Variants in METTL24 observed in about 807,000 individuals in gnomAD.
METTL24 encodes the protein probable methyltransferase-like protein 24.
Under a neutral mutation model 32.7 loss-of-function variants are expected in METTL24, and 29 were observed. The observed-to-expected ratio is 0.89, with a 90% CI of 0.66 to 1.21. METTL24 has a LOEUF of 1.21. Ranked by LOEUF, METTL24 falls within the 50% of genes most tolerant of loss-of-function variation. The probability of loss-of-function intolerance (pLI) is 0.00; values close to 1 mark genes in which losing one functional copy is unlikely to be tolerated. For missense variants in METTL24, 439 were observed against 468.1 expected (o/e 0.94, Z 0.57); for synonymous variants, 163 against 179.5 (o/e 0.91, Z 0.73).
Position 110,358,014 on chromosome 6 carries a change from C to T in METTL24, c.259G>A (p.Gly87Ser), listed in dbSNP as rs1484724894. 5.2e-6 allele frequency: 6 copies of T among 1,150,256 alleles called. No individual in the cohort carries two copies. In the South Asian group the frequency reaches 2.5e-4, roughly 49 times the overall value. 71.3% of individuals were successfully genotyped at this position (1,150,256 alleles called of 1,614,324 possible). A position where few individuals can be genotyped will look rare whatever the true frequency, so the allele number is the denominator to read the frequency against. ...RSGRRAPPGG[G>S]GSGTPEPGCC... Reference sequence around the variant, plus strand: ...CCAGGCTCCGGCGTCCCGCTCCCGCCGCCCCCCGGCGGCGCCCGGCGACCG... The same window carrying T: ...CCAGGCTCCGGCGTCCCGCTCCCGCTGCCCCCCGGCGGCGCCCGGCGACCG... The change falls in exon 1 of 5, where the codon GGC becomes AGC. Residue 87 changes from glycine to serine, a missense_variant. Transcript: ENST00000338882.
intron 4 of METTL24, among the ~76,000 whole-genome samples, chr6:110,296,858 AC>A (rs1771429184): frequency 6.6e-6 from 1 of 152,208 alleles, no homozygotes; most frequent in Admixed American, 6.5e-5. Context: ...GTCTGTACAT[AC>A]AGAAAAATGA....
At chr6:110,346,651 T>A (rs991695717) in intron 1 of METTL24, among the ~76,000 whole-genome samples, 6 of 152,138 alleles carry the variant, frequency 3.9e-5, no homozygotes, top group African/African-American at 1.4e-4. Context: ...ATTACAGGCA[T>A]GTGCCATCAC....
chr6:110,329,304 G>A (rs1329243740), intron 1 of METTL24, among the ~76,000 whole-genome samples: 3 of 152,150 alleles, frequency 2.0e-5, no homozygotes, highest in Admixed American at 6.5e-5. Context: ...GTGAGTCCTC[G>A]ACTCCAACTC....
At chr6:110,315,543 G>T (rs985712733) in intron 2 of METTL24, 62 bp from the exon 3 acceptor site, 1 of 1,551,398 alleles carries the variant, frequency 6.4e-7, no homozygotes, top group African/African-American at 1.4e-5. Flanking sequence ...AGCAGGTAGG[G>T]ACTTATTGCT....
chr6:110,339,644 C>T (rs950193370), intron 1 of METTL24, among the ~76,000 whole-genome samples: 1 of 152,194 alleles, frequency 6.6e-6, no homozygotes, highest in Non-Finnish European at 1.5e-5. Flanking sequence ...AGGGGCAATA[C>T]ACACAACAAA....
chr6:110,344,936 T>C (rs1257537404), intron 1 of METTL24, among the ~76,000 whole-genome samples: 2 of 152,184 alleles, frequency 1.3e-5, no homozygotes, highest in African/African-American at 2.4e-5. Flanking sequence ...AAATGGGATC[T>C]ACTTAAACTT....
At chr6:110,255,243 G>A (rs1489001142) in intron 4 of METTL24, among the ~76,000 whole-genome samples, 1 of 152,152 alleles carries the variant, frequency 6.6e-6, no homozygotes, top group Non-Finnish European at 1.5e-5. Flanking sequence ...AATTAAAAAG[G>A]AAATGAGGAA....
At chr6:110,315,619 C>G in intron 2 of METTL24, 138 bp from the exon 3 acceptor site, 1 of 812,516 alleles carries the variant, frequency 1.2e-6, no homozygotes, top group South Asian at 1.8e-5. Flanking sequence ...CTCCCCTCCC[C>G]AGGGAACCAC....
chr6:110,347,241 C>G (rs981715357), intron 1 of METTL24, among the ~76,000 whole-genome samples: 8 of 152,134 alleles, frequency 5.3e-5, no homozygotes, highest in Non-Finnish European at 1.2e-4. Flanking sequence ...TCACTTCATG[C>G]CTTATAGCTG....
At chr6:110,296,965 C>T (rs1054635609) in intron 4 of METTL24, among the ~76,000 whole-genome samples, 2 of 151,138 alleles carry the variant, frequency 1.3e-5, no homozygotes, top group East Asian at 1.9e-4. Flanking sequence ...AGCAATCACT[C>T]GCTGACGGGT....
chr6:110,345,033 T>C (rs1772442948), intron 1 of METTL24, among the ~76,000 whole-genome samples: 1 of 152,204 alleles, frequency 6.6e-6, no homozygotes, highest in Non-Finnish European at 1.5e-5. Flanking sequence ...AAACTGTGCA[T>C]CTGACATAGG....
intron 4 of METTL24, among the ~76,000 whole-genome samples, chr6:110,294,470 C>T (rs1057369012): frequency 6.6e-6 from 1 of 151,578 alleles, no homozygotes; most frequent in African/African-American, 2.4e-5. Flanking sequence ...GAAATATAAG[C>T]TTTAGCAAAA....
In METTL24 at chr6:110,343,549, AG is replaced by A. The variant is rs146823922; in HGVS notation, c.318+14405del. 9.8e-3 allele frequency among the ~76,000 whole-genome samples: 1,493 copies of A among 152,320 alleles called. 23 individuals carry two copies. Among genetic ancestry groups the A allele is most frequent in the African/African-American group, 0.033 (1,366 of 41,558 alleles). On this transcript the variant is annotated intron_variant, in intron 1 of 4. Coordinates refer to ENST00000338882, the MANE Select transcript of METTL24 (RefSeq NM_001123364.3). The stretch of plus-strand genomic sequence containing the variant: ...ATGCCTAGGACAGGCCCGGAAGGAA[AG>A]GGGAAAACAGAGGAAGCTAAATTGC...
At chr6:110,293,897 T>A (rs576839746) in intron 4 of METTL24, among the ~76,000 whole-genome samples, 1,567 of 150,420 alleles carry the variant, frequency 0.01, 28 homozygotes, top group African/African-American at 0.035. Context: ...GCTCTAATCT[T>A]TTTTTTTTAA....
At chr6:110,266,803 T>C (rs1770865053) in intron 4 of METTL24, among the ~76,000 whole-genome samples, 1 of 152,212 alleles carries the variant, frequency 6.6e-6, no homozygotes. Flanking sequence ...GCCAAAGGAC[T>C]TTAATGAAAG....
At chr6:110,328,675 G>T (rs980536108) in intron 1 of METTL24, among the ~76,000 whole-genome samples, 2 of 151,986 alleles carry the variant, frequency 1.3e-5, no homozygotes, top group East Asian at 3.9e-4. Context: ...AAAAGATAAT[G>T]CCAAAAAAAG....
At chr6:110,325,948 TA>T (rs1772009700) in intron 1 of METTL24, among the ~76,000 whole-genome samples, 1 of 152,168 alleles carries the variant, frequency 6.6e-6, no homozygotes, top group Non-Finnish European at 1.5e-5. Context: ...GGGTCCCCTT[TA>T]TACTTGACTG....
intron 2 of METTL24, among the ~76,000 whole-genome samples, chr6:110,317,421 G>GA (rs1771840018): frequency 6.6e-6 from 1 of 152,152 alleles, no homozygotes. Context: ...TAGTTAGTCA[G>GA]AACTCAGTGT....
chr6:110,260,293 A>G (rs1490723724), intron 4 of METTL24, among the ~76,000 whole-genome samples: 1 of 152,256 alleles, frequency 6.6e-6, no homozygotes, highest in Non-Finnish European at 1.5e-5. Flanking sequence ...GCTGAAAACC[A>G]TGGCACGAGA....
Sources: gnomAD v4.1 joint callset for allele counts (sites outside exome capture counted in the v4.1 genomes callset) on GRCh38, gnomAD v4.1.1 for gene constraint, MANE v1.5 for transcripts, NCBI Gene and HGNC (gene_info 2026-07-23, HGNC 2026-07-21) for gene names.